The following ADORA2B variants were observed in gnomAD, a reference collection of about 807,000 sequenced individuals.
ADORA2B encodes the protein adenosine receptor A2b.
ADORA2B carries 18 observed loss-of-function variants against 20.8 expected under a neutral mutation model. That is an observed-to-expected ratio of 0.87 (90% CI 0.60 to 1.29). ADORA2B has a LOEUF of 1.29. ADORA2B is among the 50% of genes most tolerant of loss of function. ADORA2B has a pLI of 0.00. For missense variants in ADORA2B, 441 were observed against 422.7 expected (o/e 1.04, Z -0.38); for synonymous variants, 179 against 178.3 (o/e 1.00, Z -0.03).
chr17:15,940,422 G>A (rs118041229), upstream of ADORA2B, among the ~76,000 whole-genome samples: 31 of 152,330 alleles, frequency 2.0e-4, no homozygotes, highest in East Asian at 5.6e-3. Context: ...GAAGTAGAAC[G>A]TTGAGGTACA....
chr17:15,925,085 G>A, the ADORA2B span, among the ~76,000 whole-genome samples: 490 of 152,064 alleles, frequency 3.2e-3, 3 homozygotes, highest in Non-Finnish European at 4.5e-3. Flanking sequence ...ACCCAGGCTG[G>A]AGTGCAGTGG....
At chr17:15,864,720 C>T in the ADORA2B span, among the ~76,000 whole-genome samples, 9 of 151,774 alleles carry the variant, frequency 5.9e-5, no homozygotes, top group African/African-American at 1.9e-4. Flanking sequence ...GGCAGCAAGG[C>T]TGTATGAATC....
chr17:15,953,206 G>T (rs933078518), intron 1 of ADORA2B, among the ~76,000 whole-genome samples: 2 of 152,234 alleles, frequency 1.3e-5, no homozygotes, highest in African/African-American at 4.8e-5. Context: ...TTGGGCTGTG[G>T]TGGGGGACGG....
chr17:15,894,169 G>C, the ADORA2B span, among the ~76,000 whole-genome samples: 3 of 152,222 alleles, frequency 2.0e-5, no homozygotes, highest in African/African-American at 7.2e-5. Context: ...TAAGACAGCA[G>C]TCAACAAGAG....
the ADORA2B span, among the ~76,000 whole-genome samples, chr17:15,880,461 T>G: frequency 7.3e-6 from 1 of 136,612 alleles, no homozygotes; most frequent in East Asian, 2.0e-4. Context: ...CTTTCTAGGG[T>G]AGAATGGAGG....
the ADORA2B span, among the ~76,000 whole-genome samples, chr17:15,915,645 A>C: frequency 1.3e-5 from 2 of 152,194 alleles, no homozygotes; most frequent in Non-Finnish European, 1.5e-5. Context: ...ATTATACAGA[A>C]CTGCCCCATG....
the ADORA2B span, among the ~76,000 whole-genome samples, chr17:15,938,226 A>G: frequency 1.3e-5 from 2 of 152,148 alleles, no homozygotes; most frequent in East Asian, 3.9e-4. Flanking sequence ...GGAAGGAAGG[A>G]AAGGAAAGGA....
the ADORA2B span, among the ~76,000 whole-genome samples, chr17:15,929,898 G>A: frequency 6.6e-6 from 1 of 152,132 alleles, no homozygotes; most frequent in African/African-American, 2.4e-5. Flanking sequence ...GTTTAATGGG[G>A]ACAGAGTTTA....
chr17:15,951,715 T>C (rs1597848579), intron 1 of ADORA2B, among the ~76,000 whole-genome samples: 1 of 152,182 alleles, frequency 6.6e-6, no homozygotes, highest in Non-Finnish European at 1.5e-5. Flanking sequence ...CTGAAGGCCC[T>C]CTCCCTTCGG....
chr17:15,937,390 G>T, the ADORA2B span, among the ~76,000 whole-genome samples: 1 of 152,292 alleles, frequency 6.6e-6, no homozygotes, highest in African/African-American at 2.4e-5. Flanking sequence ...AAAGGACTTA[G>T]TGTGTGTGTT....
chr17:15,941,460 G>T (rs1414353369), upstream of ADORA2B, among the ~76,000 whole-genome samples: 1 of 152,184 alleles, frequency 6.6e-6, no homozygotes, highest in African/African-American at 2.4e-5. Flanking sequence ...GGGTGTAGTG[G>T]CTCACACTTG....
chr17:15,956,122 CT>C (rs1401527880), intron 1 of ADORA2B, among the ~76,000 whole-genome samples: 1 of 152,092 alleles, frequency 6.6e-6, no homozygotes, highest in Non-Finnish European at 1.5e-5. Context: ...GCTTTTTTTC[CT>C]TTGTTCTTCT....
intron 1 of ADORA2B, among the ~76,000 whole-genome samples, chr17:15,964,509 T>C (rs1361542368): frequency 6.6e-6 from 1 of 150,476 alleles, no homozygotes; most frequent in African/African-American, 2.5e-5. Flanking sequence ...CTCAGGAGGC[T>C]GAGGCAGGAG....
the ADORA2B span, among the ~76,000 whole-genome samples, chr17:15,927,286 A>G: frequency 6.6e-6 from 1 of 152,200 alleles, no homozygotes; most frequent in African/African-American, 2.4e-5. Context: ...GATGGAGACC[A>G]TTCTGGCTAA....
At chr17:15,942,814 C>T (rs1969756522), upstream of ADORA2B, among the ~76,000 whole-genome samples, 1 of 152,210 alleles carries the variant, frequency 6.6e-6, no homozygotes, top group African/African-American at 2.4e-5. Flanking sequence ...GAGCCTTCTC[C>T]ACTAGGCCTT....
the ADORA2B span, among the ~76,000 whole-genome samples, chr17:15,902,352 C>T: frequency 8.0e-4 from 121 of 152,196 alleles, 1 homozygote; most frequent in South Asian, 9.7e-3. Flanking sequence ...TACAGGCCTG[C>T]GCCATCATGC....
chr17:15,902,061 C>T, the ADORA2B span, among the ~76,000 whole-genome samples: 1 of 152,162 alleles, frequency 6.6e-6, no homozygotes, highest in Non-Finnish European at 1.5e-5. Flanking sequence ...TGGCAACCAC[C>T]ATTCCACTTT....
At chr17:15,970,270 T>G (rs1970175140) in intron 1 of ADORA2B, among the ~76,000 whole-genome samples, 1 of 152,140 alleles carries the variant, frequency 6.6e-6, no homozygotes, top group Non-Finnish European at 1.5e-5. Context: ...GTGGTGGTGA[T>G]GGAGGTTTAC....
the ADORA2B span, among the ~76,000 whole-genome samples, chr17:15,930,819 A>G: frequency 2.0e-5 from 3 of 152,358 alleles, no homozygotes; most frequent in South Asian, 6.2e-4. Context: ...TATCATTAAA[A>G]TGTCCATATT....
Sources: allele counts gnomAD v4.1 joint callset (sites outside exome capture counted in the v4.1 genomes callset), GRCh38; gene constraint gnomAD v4.1.1; transcripts MANE v1.5; gene names NCBI Gene and HGNC (gene_info 2026-07-23, HGNC 2026-07-21).